Variants in SHLD2 observed in about 807,000 individuals in gnomAD.
SHLD2 encodes shieldin complex subunit 2, also known as RINN1-REV7-interacting novel NHEJ regulator 2.
Under a neutral mutation model 73.2 loss-of-function variants are expected in SHLD2, and 30 were observed. The observed-to-expected ratio is 0.41, with a 90% CI of 0.31 to 0.56. The LOEUF is 0.56. SHLD2 is among the 20% of genes least tolerant of loss of function. The probability of loss-of-function intolerance (pLI) is 0.28; values close to 1 mark genes in which losing one functional copy is unlikely to be tolerated. For missense variants in SHLD2, 745 were observed against 1,055.9 expected (o/e 0.71, Z 4.08); for synonymous variants, 285 against 370.1 (o/e 0.77, Z 2.64).
intron 2 of SHLD2, among the ~76,000 whole-genome samples, chr10:87,119,361 A>G (rs1843444780): frequency 6.6e-6 from 1 of 152,172 alleles, no homozygotes; most frequent in Non-Finnish European, 1.5e-5. Flanking sequence ...TTAAAATCTG[A>G]CAGACCTTCA....
chr10:87,179,626 C>T (rs1007997256), intron 7 of SHLD2, among the ~76,000 whole-genome samples: 19 of 152,328 alleles, frequency 1.2e-4, no homozygotes, highest in African/African-American at 3.8e-4. Context: ...TGGTCTCGAT[C>T]TCCTGACCTC....
rs535822681 is a variant in SHLD2, at chr10:87,107,851, T to C, written c.-6+10862T>C. On this transcript the variant is annotated intron_variant, in intron 2 of 9. Transcript: ENST00000298786. The stretch of plus-strand genomic sequence containing the variant: ...AAAGATGTAATTTTCTTTCTTTCTT[T>C]CTTTTTTTTTTATTTTTAGAGATGA... 1.1e-4 allele frequency among the ~76,000 whole-genome samples: 16 copies of C among 152,250 alleles called. No individual in the cohort carries two copies. The South Asian group carries it at 1.7e-3, about 16-fold the overall frequency.
chr10:87,151,119 G>A (rs1326582917), intron 2 of SHLD2, among the ~76,000 whole-genome samples: 2 of 152,192 alleles, frequency 1.3e-5, no homozygotes, highest in East Asian at 1.9e-4. Context: ...CACTGCGCCC[G>A]GCCTAAAGTG....
At chr10:87,190,152 G>A (rs1197746691) in intron 9 of SHLD2, among the ~76,000 whole-genome samples, 2 of 152,182 alleles carry the variant, frequency 1.3e-5, no homozygotes, top group Non-Finnish European at 1.5e-5. Flanking sequence ...TCTACCTCCT[G>A]GGTTCAAGCA....
At chr10:87,155,354 A>G (rs1846339123) in intron 3 of SHLD2, among the ~76,000 whole-genome samples, 1 of 150,934 alleles carries the variant, frequency 6.6e-6, no homozygotes, top group South Asian at 2.1e-4. Context: ...TTGGAGATTC[A>G]ATTCACCTAA....
intron 2 of SHLD2, among the ~76,000 whole-genome samples, chr10:87,108,706 G>A (rs574186231): frequency 1.3e-5 from 2 of 152,324 alleles, no homozygotes; most frequent in Admixed American, 6.5e-5. Flanking sequence ...TAAAAAGTCA[G>A]TAGCTTCTGG....
intron 2 of SHLD2, among the ~76,000 whole-genome samples, chr10:87,104,084 T>G (rs1421368000): frequency 6.7e-6 from 1 of 148,280 alleles, no homozygotes; most frequent in Non-Finnish European, 1.5e-5. Flanking sequence ...AATACAAAAA[T>G]CAGCCGGGCA....
chr10:87,161,607 C>T (rs990698305), intron 4 of SHLD2, among the ~76,000 whole-genome samples: 14 of 151,940 alleles, frequency 9.2e-5, no homozygotes, highest in African/African-American at 3.4e-4. Context: ...TTAAACACTC[C>T]AGAAAGAAAT....
intron 2 of SHLD2, among the ~76,000 whole-genome samples, chr10:87,147,074 A>G (rs1845671315): frequency 6.3e-5 from 8 of 127,494 alleles, no homozygotes; most frequent in African/African-American, 2.7e-4. Context: ...AAAAAAAAGA[A>G]AAAAAAAAAA....
In SHLD2 at chr10:87,187,095, A is replaced by G; in HGVS notation, c.2410A>G (p.Met804Val). Residue 804 changes from methionine to valine, a missense_variant, in exon 9 of 10, where the codon ATG becomes GTG. Met to Val is a conservative substitution (Grantham distance 21). Coordinates refer to ENST00000298786, the MANE Select transcript of SHLD2 (RefSeq NM_001330112.2). ...TTTACTCTTTTGTAGGCCAGCGTTA[A>G]TGACTGCCATTGATGGAAGACATGA... ...MKKIYYRPAL[M>V]TAIDGRHDVC... 6.2e-7 allele frequency: 1 copy of G among 1,610,732 alleles called. No individual in the cohort carries two copies. The highest frequency in any genetic ancestry group is 8.5e-7 in the Non-Finnish European group (1 of 1,177,074).
intron 4 of SHLD2, among the ~76,000 whole-genome samples, chr10:87,163,191 T>C (rs1177646510): frequency 6.6e-6 from 1 of 152,108 alleles, no homozygotes; most frequent in Non-Finnish European, 1.5e-5. Flanking sequence ...CATACTGTTA[T>C]GTGAAAACAT....
intron 2 of SHLD2, among the ~76,000 whole-genome samples, chr10:87,108,568 G>A (rs575679620): frequency 6.6e-6 from 1 of 152,078 alleles, no homozygotes; most frequent in African/African-American, 2.4e-5. Flanking sequence ...GCCTTTTAAA[G>A]TACTGGGATT....
At chr10:87,107,978 G>T (rs1282195881) in intron 2 of SHLD2, among the ~76,000 whole-genome samples, 2 of 151,962 alleles carry the variant, frequency 1.3e-5, no homozygotes, top group East Asian at 3.9e-4. Flanking sequence ...CTGCTTCCTG[G>T]TTTCAAGCAG....
chr10:87,155,859 T>A (rs953371793), intron 3 of SHLD2, among the ~76,000 whole-genome samples: 11 of 152,136 alleles, frequency 7.2e-5, no homozygotes, highest in East Asian at 1.9e-4. Context: ...ACATTTTTTT[T>A]AAAAATCAGA....
At chr10:87,121,509 A>G (rs563883568) in intron 2 of SHLD2, among the ~76,000 whole-genome samples, 1 of 152,190 alleles carries the variant, frequency 6.6e-6, no homozygotes, top group South Asian at 2.1e-4. Flanking sequence ...TAAAGTGAGT[A>G]ATAGTATGTG....
At position 87,170,908 on chromosome 10, in the gene SHLD2, C is replaced by A; in HGVS notation, c.1897C>A (p.Gln633Lys). 1 of 1,607,462 alleles carries A rather than the reference C, an allele frequency of 6.2e-7. No homozygotes were observed. The highest frequency in any genetic ancestry group is 8.5e-7 in the Non-Finnish European group (1 of 1,176,926). Residue 633 changes from glutamine (Q) to lysine (K), a missense_variant, in exon 6 of 10, where the codon CAA becomes AAA. Transcript: ENST00000298786. ...GTTAACAGTGGAACAGGCCCAAGATCAACATTATGCGCTTGTATTATGGGG... is the reference window on the plus strand; with the variant it reads ...GTTAACAGTGGAACAGGCCCAAGATAAACATTATGCGCTTGTATTATGGGG... The part of the protein sequence containing the change: ...VMLTVEQAQD[Q>K]HYALVLWGPG...
chr10:87,150,449 G>A (rs1225411814), intron 2 of SHLD2, among the ~76,000 whole-genome samples: 1 of 151,830 alleles, frequency 6.6e-6, no homozygotes, highest in Admixed American at 6.6e-5. Flanking sequence ...ATTTAAATGG[G>A]GCAAGTTTTT....
intron 4 of SHLD2, among the ~76,000 whole-genome samples, chr10:87,159,293 TCAG>T (rs1296712241): frequency 3.9e-5 from 6 of 152,174 alleles, no homozygotes; most frequent in Admixed American, 6.5e-5. Flanking sequence ...GGGTGGCCCA[TCAG>T]CAGAAAACCA....
intron 2 of SHLD2, among the ~76,000 whole-genome samples, chr10:87,139,832 A>C (rs1394601871): frequency 2.6e-5 from 4 of 152,212 alleles, no homozygotes; most frequent in South Asian, 2.1e-4. Context: ...CTCAAAAAAA[A>C]CCAAAAGACT....
Sources: gnomAD v4.1 joint callset for allele counts (sites outside exome capture counted in the v4.1 genomes callset) on GRCh38, gnomAD v4.1.1 for gene constraint, MANE v1.5 for transcripts, NCBI Gene and HGNC (gene_info 2026-07-23, HGNC 2026-07-21) for gene names.